The following BOP1 variants were observed in gnomAD, a reference collection of about 807,000 sequenced individuals.
BOP1 encodes the protein BOP1 ribosomal biogenesis factor.
In BOP1, 54 loss-of-function variants were observed where a neutral mutation model predicts 82.9. The ratio of observed to expected loss-of-function variants is 0.65; its 90% confidence interval spans 0.52 to 0.82. The LOEUF (loss-of-function observed/expected upper bound fraction) is 0.82, where lower values mean the gene tolerates loss of function less well. Among genes scored for constraint, BOP1 ranks in the 40% least tolerant of loss-of-function variants. The probability of loss-of-function intolerance (pLI) is 0.00; values close to 1 mark genes in which losing one functional copy is unlikely to be tolerated. For synonymous variants in BOP1, 566 were observed against 451.1 expected, an observed-to-expected ratio of 1.25 and a Z score of -3.23; for missense variants, 1,170 against 1,072.0, an observed-to-expected ratio of 1.09 and a Z score of -1.28.
chr8:144,270,203 G>A (rs1845469914), intron 3 of BOP1, among the ~76,000 whole-genome samples: 2 of 152,208 alleles, frequency 1.3e-5, no homozygotes, highest in South Asian at 4.1e-4. Flanking sequence ...ACAGGGCAGA[G>A]CCAGCTCAGA....
chr8:144,277,621 G>A (rs1845587967), intron 2 of BOP1, among the ~76,000 whole-genome samples: 2 of 152,276 alleles, frequency 1.3e-5, no homozygotes, highest in Non-Finnish European at 2.9e-5. Context: ...GTGCCCCGTG[G>A]CCCCTGTGCT....
At chr8:144,283,201 CAAAAAAAAAA>C (rs60868806) in intron 2 of BOP1, among the ~76,000 whole-genome samples, 3 of 54,348 alleles carry the variant, frequency 5.5e-5, no homozygotes, top group African/African-American at 2.7e-4. Context: ...AACTCCATCT[CAAAAAAAAAA>C]AAAAAAAAAA....
At chr8:144,270,705 T>C (rs1845478735) in intron 3 of BOP1, among the ~76,000 whole-genome samples, 1 of 152,078 alleles carries the variant, frequency 6.6e-6, no homozygotes. Flanking sequence ...CACTCGTAGC[T>C]CACAGCCGCC....
chr8:144,263,304 G>T lies in BOP1; in HGVS notation c.1522C>A (p.Pro508Thr). 1.3e-6 allele frequency: 2 copies of T among 1,593,950 alleles called. No homozygotes were observed. Among genetic ancestry groups the T allele is most frequent in the Non-Finnish European group, 8.5e-7 (1 of 1,178,794 alleles). ...AGCCAGCGGGCCGGCTGCAAGGGGG[G>T]CTCCTCAGGCGGGACGAAGGCGCTC... is the stretch of plus-strand genomic sequence containing the variant. ...LLSAFVPPEE[P>T]PLQPARWLEA... The change falls in exon 12 of 16, where the codon CCC becomes ACC. Residue 508 changes from proline (P) to threonine (T), a missense_variant. By Grantham distance (38) the Pro-to-Thr change is conservative. Transcript: ENST00000569669.
chr8:144,282,679 C>T (rs1478130453), intron 2 of BOP1, among the ~76,000 whole-genome samples: 2 of 152,054 alleles, frequency 1.3e-5, no homozygotes, highest in African/African-American at 4.8e-5. Context: ...AGCACCCACC[C>T]CATCTTCTTG....
intron 2 of BOP1, among the ~76,000 whole-genome samples, chr8:144,284,924 C>T (rs1270550481): frequency 1.3e-5 from 2 of 152,204 alleles, no homozygotes; most frequent in African/African-American, 2.4e-5. Context: ...TGGCAGGTCG[C>T]CAGGTCTCCA....
chr8:144,283,506 T>G (rs1482632150), intron 2 of BOP1, among the ~76,000 whole-genome samples: 1 of 152,094 alleles, frequency 6.6e-6, no homozygotes, highest in Non-Finnish European at 1.5e-5. Context: ...AAAAATGGGG[T>G]CTCATTATAT....
At chr8:144,271,263 A>G (rs1845487882) in intron 3 of BOP1, among the ~76,000 whole-genome samples, 1 of 151,372 alleles carries the variant, frequency 6.6e-6, no homozygotes, top group African/African-American at 2.4e-5. Flanking sequence ...AAGTGGCTGC[A>G]GCTGTCAGGA....
At chr8:144,271,629 G>A (rs923940363) in intron 3 of BOP1, among the ~76,000 whole-genome samples, 1 of 152,088 alleles carries the variant, frequency 6.6e-6, no homozygotes, top group Non-Finnish European at 1.5e-5. Context: ...AGGCTCACCT[G>A]CTGCATCTCA....
chr8:144,265,213 C>T (rs1845332726), intron 3 of BOP1, 142 bp from the exon 4 acceptor site: 8 of 946,238 alleles, frequency 8.5e-6, no homozygotes, highest in South Asian at 4.9e-5. Context: ...CCCTGACCTA[C>T]GCCTGTTCCC....
At chr8:144,273,740 AG>A (rs1845529282) in intron 3 of BOP1, among the ~76,000 whole-genome samples, 1 of 151,294 alleles carries the variant, frequency 6.6e-6, no homozygotes, top group African/African-American at 2.4e-5. Context: ...GCGGTGGGAG[AG>A]GGGTGAGGTG....
chr8:144,279,531 G>T (rs975275326), intron 2 of BOP1, among the ~76,000 whole-genome samples: 1 of 152,330 alleles, frequency 6.6e-6, no homozygotes, highest in East Asian at 1.9e-4. Context: ...ATCAGGCCTG[G>T]TTTAGATGAG....
At chr8:144,281,982 C>T (rs1588605162) in intron 2 of BOP1, 2 of 152,322 alleles carry the variant, frequency 1.3e-5, no homozygotes, top group East Asian at 3.9e-4. Flanking sequence ...AAAGACAAAA[C>T]CAAGCAAAGC....
At chr8:144,288,290 G>C (rs1345348916) in intron 2 of BOP1, among the ~76,000 whole-genome samples, 3 of 135,924 alleles carry the variant, frequency 2.2e-5, no homozygotes, top group African/African-American at 8.3e-5. Flanking sequence ...AAAAAAAATA[G>C]GCCGGGCGTG....
intron 2 of BOP1, among the ~76,000 whole-genome samples, chr8:144,284,579 A>T (rs899708568): frequency 6.6e-6 from 1 of 152,112 alleles, no homozygotes; most frequent in African/African-American, 2.4e-5. Flanking sequence ...ACTCTGTGCG[A>T]GTTTGGATAT....
At chr8:144,273,640 C>G (rs1280386556) in intron 3 of BOP1, among the ~76,000 whole-genome samples, 2 of 152,218 alleles carry the variant, frequency 1.3e-5, no homozygotes, top group African/African-American at 2.4e-5. Flanking sequence ...CGGCAAAGGC[C>G]GAGAGCCCCC....
intron 3 of BOP1, 41 bp from the exon 4 acceptor site, chr8:144,265,112 G>A (rs917840806): frequency 3.4e-5 from 54 of 1,589,854 alleles, no homozygotes; most frequent in Non-Finnish European, 4.1e-5. Context: ...GATCCTACAA[G>A]GCCCACCCCC....
At chr8:144,263,663 G>A in intron 10 of BOP1, 29 bp downstream of exon 10, 10 of 1,595,478 alleles carry the variant, frequency 6.3e-6, no homozygotes, top group Non-Finnish European at 8.5e-6. Flanking sequence ...CTGCCCCCCA[G>A]CTCAAGGCTG....
intron 3 of BOP1, chr8:144,268,491 C>T: frequency 2.5e-6 from 1 of 404,972 alleles, no homozygotes; most frequent in Non-Finnish European, 4.5e-6. Flanking sequence ...ATATGGAGGC[C>T]AACTGTCCTC....
Sources: gnomAD v4.1 joint callset for allele counts (sites outside exome capture counted in the v4.1 genomes callset) on GRCh38, gnomAD v4.1.1 for gene constraint, MANE v1.5 for transcripts, NCBI Gene and HGNC (gene_info 2026-07-23, HGNC 2026-07-21) for gene names.